Variants in CSMD1 observed in about 807,000 individuals in gnomAD.
CSMD1 encodes the protein CUB and Sushi multiple domains 1.
A neutral mutation model predicts 417.5 loss-of-function variants in CSMD1; 213 were observed. That is an observed-to-expected ratio of 0.51 (90% CI 0.46 to 0.57). CSMD1 has a LOEUF of 0.57. CSMD1 is among the 20% of genes least tolerant of loss of function. The probability of loss-of-function intolerance (pLI) is 0.00; values close to 1 mark genes in which losing one functional copy is unlikely to be tolerated. For missense variants in CSMD1, 6,923 were observed against 4,529.7 expected, an observed-to-expected ratio of 1.53 and a Z score of -15.17; for synonymous variants, 2,862 against 1,736.8, an observed-to-expected ratio of 1.65 and a Z score of -16.11.
chr8:4,958,970 A>C (rs11996295), intron 1 of CSMD1, among the ~76,000 whole-genome samples: 70,498 of 152,044 alleles, frequency 0.46, 17,138 homozygotes, highest in Non-Finnish European at 0.53. Context: ...GAATTACAAA[A>C]TTAAAAACAA....
At chr8:4,713,326 G>T (rs569546034) in intron 1 of CSMD1, among the ~76,000 whole-genome samples, 1 of 152,208 alleles carries the variant, frequency 6.6e-6, no homozygotes, top group African/African-American at 2.4e-5. Context: ...CCATCCGGTG[G>T]TGTGGTGTCT....
chr8:4,054,493 T>C (rs1196780583), intron 3 of CSMD1, among the ~76,000 whole-genome samples: 1 of 152,094 alleles, frequency 6.6e-6, no homozygotes. Flanking sequence ...GAAGCTTTTG[T>C]CATGTCGGTT....
intron 22 of CSMD1, among the ~76,000 whole-genome samples, chr8:3,346,514 G>A (rs1438888451): frequency 2.6e-5 from 4 of 152,178 alleles, no homozygotes; most frequent in African/African-American, 9.7e-5. Context: ...TACTGCCAGT[G>A]TGAGATTTCA....
Position 4,721,644 on chromosome 8 carries a change from T to C in CSMD1, c.86-84086A>G, listed in dbSNP as rs1005950218. 9.2e-5 allele frequency among the ~76,000 whole-genome samples: 14 copies of C among 152,346 alleles called. No homozygotes were observed. In the South Asian group the frequency reaches 1.2e-3, roughly 14 times the overall value. On this transcript the variant is annotated intron_variant, in intron 1 of 69. Coordinates refer to ENST00000635120, the MANE Select transcript of CSMD1 (RefSeq NM_033225.6). ...TGGTATAGCCAATAATGGAAGAGTATGGAGGTTCCTCAAAAAATTAAACAT... is the reference window on the plus strand; with the variant it reads ...TGGTATAGCCAATAATGGAAGAGTACGGAGGTTCCTCAAAAAATTAAACAT...
intron 2 of CSMD1, among the ~76,000 whole-genome samples, chr8:4,540,148 T>C (rs1459133190): frequency 6.6e-6 from 1 of 152,144 alleles, no homozygotes; most frequent in Non-Finnish European, 1.5e-5. Flanking sequence ...TGGCGTGCAA[T>C]GTAAAGCATG....
chr8:3,155,242 G>T (rs1248403202), intron 39 of CSMD1, among the ~76,000 whole-genome samples: 1 of 151,656 alleles, frequency 6.6e-6, no homozygotes, highest in Non-Finnish European at 1.5e-5. Flanking sequence ...TGACTTTTAG[G>T]GAAGGCTCTT....
intron 41 of CSMD1, among the ~76,000 whole-genome samples, chr8:3,134,868 A>C (rs1817990284): frequency 6.6e-6 from 1 of 152,176 alleles, no homozygotes; most frequent in Admixed American, 6.6e-5. Flanking sequence ...ATTTATGTGG[A>C]AATCAGGAAG....
At chr8:4,020,598 G>C (rs76286724) in intron 4 of CSMD1, among the ~76,000 whole-genome samples, 1 of 152,224 alleles carries the variant, frequency 6.6e-6, no homozygotes, top group East Asian at 1.9e-4. Context: ...TTCTCTTATG[G>C]TAAGAGATCA....
intron 31 of CSMD1, among the ~76,000 whole-genome samples, chr8:3,205,061 A>C (rs1797177608): frequency 6.6e-6 from 1 of 152,206 alleles, no homozygotes; most frequent in Non-Finnish European, 1.5e-5. Flanking sequence ...GTCCCTCAGC[A>C]CTTACAGGTT....
chr8:3,347,680 G>C (rs530955192), intron 22 of CSMD1, among the ~76,000 whole-genome samples: 4 of 152,252 alleles, frequency 2.6e-5, no homozygotes, highest in East Asian at 1.9e-4. Context: ...AGTCCAGAAA[G>C]GTAGGTACAA....
chr8:3,882,544 G>A (rs1003851220), intron 5 of CSMD1, among the ~76,000 whole-genome samples: 3 of 152,132 alleles, frequency 2.0e-5, no homozygotes, highest in Admixed American at 6.6e-5. Flanking sequence ...GTGGACGATC[G>A]CATCCTTAGG....
chr8:3,776,528 G>C (rs1798892826), intron 5 of CSMD1, among the ~76,000 whole-genome samples: 1 of 152,128 alleles, frequency 6.6e-6, no homozygotes, highest in Non-Finnish European at 1.5e-5. Flanking sequence ...CTTGGAACTT[G>C]CTGTGCCCTC....
intron 5 of CSMD1, among the ~76,000 whole-genome samples, chr8:3,790,338 G>A (rs1311709605): frequency 6.6e-6 from 1 of 152,064 alleles, no homozygotes; most frequent in Non-Finnish European, 1.5e-5. Flanking sequence ...TAATGATGGT[G>A]ATGGTGATGA....
At chr8:3,439,491 ATCTGTGTGTGTGTG>A (rs1377213171) in intron 12 of CSMD1, among the ~76,000 whole-genome samples, 1 of 94,694 alleles carries the variant, frequency 1.1e-5, no homozygotes, top group Non-Finnish European at 2.1e-5. Flanking sequence ...CTGTGTGTGT[ATCTGTGTGTGTGTG>A]TCTGTGTGTG....
chr8:4,325,087 C>A (rs538947704), intron 3 of CSMD1, among the ~76,000 whole-genome samples: 1 of 152,160 alleles, frequency 6.6e-6, no homozygotes, highest in Non-Finnish European at 1.5e-5. Flanking sequence ...AGGGAAAAAT[C>A]AGACATCAGT....
chr8:3,952,971 T>C (rs1432591139), intron 5 of CSMD1, among the ~76,000 whole-genome samples: 4 of 151,082 alleles, frequency 2.6e-5, no homozygotes, highest in Non-Finnish European at 4.4e-5. Flanking sequence ...CCTTCCAGAA[T>C]ACACTATTTA....
chr8:3,574,126 T>C (rs971596501), intron 10 of CSMD1, among the ~76,000 whole-genome samples: 1 of 152,246 alleles, frequency 6.6e-6, no homozygotes, highest in Non-Finnish European at 1.5e-5. Context: ...ATATATATTT[T>C]ACACAAAGTA....
At chr8:4,607,053 A>G (rs1176145452) in intron 2 of CSMD1, among the ~76,000 whole-genome samples, 2 of 152,166 alleles carry the variant, frequency 1.3e-5, no homozygotes, top group Non-Finnish European at 2.9e-5. Context: ...TTGCTCTTCA[A>G]CCATATTATT....
intron 6 of CSMD1, among the ~76,000 whole-genome samples, chr8:3,748,831 C>T (rs192434259): frequency 6.6e-6 from 1 of 152,264 alleles, no homozygotes; most frequent in Non-Finnish European, 1.5e-5. Context: ...GGAACTATAA[C>T]CTAAAAACAA....
Sources: allele counts gnomAD v4.1 joint callset (sites outside exome capture counted in the v4.1 genomes callset), GRCh38; gene constraint gnomAD v4.1.1; transcripts MANE v1.5; gene names NCBI Gene and HGNC (gene_info 2026-07-23, HGNC 2026-07-21).